The following IL1RAPL1 variants were observed in gnomAD, a reference collection of about 807,000 sequenced individuals.
IL1RAPL1 encodes interleukin 1 receptor accessory protein like 1.
IL1RAPL1 carries 3 observed loss-of-function variants against 48.4 expected under a neutral mutation model. The observed-to-expected ratio is 0.06, with a 90% confidence interval of 0.03 to 0.16. The LOEUF is 0.16. Ranked by LOEUF, IL1RAPL1 falls within the 10% of genes least tolerant of loss-of-function variation. The pLI, the probability that IL1RAPL1 is intolerant of heterozygous loss-of-function variation, is 1.00. For missense variants in IL1RAPL1, 349 were observed against 530.6 expected, an observed-to-expected ratio of 0.66 and a Z score of 3.36; for synonymous variants, 185 against 187.7, an observed-to-expected ratio of 0.99 and a Z score of 0.12.
chrX:29,680,216 G>C (rs1430230131), intron 6 of IL1RAPL1, among the ~76,000 whole-genome samples: 1 of 111,533 alleles, frequency 9.0e-6, no homozygotes, highest in African/African-American at 3.3e-5. Flanking sequence ...ATGCTCGACT[G>C]TTCTCTGTCT....
chrX:28,705,450 T>C (rs1935364120), intron 1 of IL1RAPL1, among the ~76,000 whole-genome samples: 1 of 112,385 alleles, frequency 8.9e-6, no homozygotes. Context: ...AAATAGGCTT[T>C]TCTGTAAAAA....
intron 6 of IL1RAPL1, among the ~76,000 whole-genome samples, chrX:29,750,574 C>A (rs989238022): frequency 3.0e-4 from 34 of 111,785 alleles, no homozygotes; most frequent in African/African-American, 1.0e-3. Flanking sequence ...AAGGAATACA[C>A]CATATTTCAT....
chrX:29,146,757 A>G (rs978707165), intron 2 of IL1RAPL1, among the ~76,000 whole-genome samples: 5 of 112,119 alleles, frequency 4.5e-5, no homozygotes, highest in African/African-American at 1.3e-4. Context: ...TTAATGGTCC[A>G]TTGTTACAAG....
chrX:29,520,849 C>T (rs1935495153), intron 5 of IL1RAPL1, among the ~76,000 whole-genome samples: 1 of 111,029 alleles, frequency 9.0e-6, no homozygotes, highest in South Asian at 3.8e-4. Context: ...GATACTTAAT[C>T]TAGGTCTTAA....
At chrX:29,351,959 G>A (rs976611446) in intron 3 of IL1RAPL1, among the ~76,000 whole-genome samples, 2 of 111,699 alleles carry the variant, frequency 1.8e-5, no homozygotes, top group African/African-American at 6.5e-5. Flanking sequence ...CCCACCATTT[G>A]TTCTCATCAG....
chrX:29,907,057 A>G (rs768396091), intron 6 of IL1RAPL1, among the ~76,000 whole-genome samples: 29 of 112,057 alleles, frequency 2.6e-4, no homozygotes, highest in African/African-American at 8.4e-4. Context: ...TAATGGTAGC[A>G]TTAGTAATTG....
At chrX:28,778,970 C>T (rs1343710765) in intron 1 of IL1RAPL1, among the ~76,000 whole-genome samples, 1 of 111,439 alleles carries the variant, frequency 9.0e-6, no homozygotes, top group African/African-American at 3.3e-5. Flanking sequence ...TTCATCTGGC[C>T]ATTTTACAGA....
At chrX:29,267,566 G>T (rs1435978148) in intron 2 of IL1RAPL1, among the ~76,000 whole-genome samples, 2 of 111,041 alleles carry the variant, frequency 1.8e-5, no homozygotes, top group Admixed American at 1.9e-4. Context: ...TCTGAGCTGC[G>T]TTGTTTTTCT....
intron 2 of IL1RAPL1, among the ~76,000 whole-genome samples, chrX:28,833,383 C>A: frequency 8.9e-6 from 1 of 111,800 alleles, no homozygotes; most frequent in African/African-American, 3.2e-5. Flanking sequence ...GTTTTAAGAT[C>A]TTTAAGAAAT....
At chrX:29,555,434 T>C (rs758005776) in intron 5 of IL1RAPL1, among the ~76,000 whole-genome samples, 74 of 112,209 alleles carry the variant, frequency 6.6e-4, no homozygotes, top group African/African-American at 2.0e-3. Flanking sequence ...TTGCCTTCCT[T>C]AAGCCCAAAG....
At chrX:29,255,705 G>A (rs368838078) in intron 2 of IL1RAPL1, among the ~76,000 whole-genome samples, 1 of 111,352 alleles carries the variant, frequency 9.0e-6, no homozygotes, top group Admixed American at 9.6e-5. Context: ...GTGAGAACAT[G>A]TGGTAATTGG....
At chrX:29,829,206 AC>A in intron 6 of IL1RAPL1, among the ~76,000 whole-genome samples, 1 of 100,950 alleles carries the variant, frequency 9.9e-6, no homozygotes, top group Non-Finnish European at 2.0e-5. Flanking sequence ...ACACACACAC[AC>A]ACACAATGTT....
chrX:29,108,735 T>TATA (rs1928498966), intron 2 of IL1RAPL1, among the ~76,000 whole-genome samples: 2 of 111,461 alleles, frequency 1.8e-5, no homozygotes, highest in African/African-American at 6.5e-5. Flanking sequence ...GAGCATTTAG[T>TATA]ATACGTCTTT....
chrX:28,725,272 A>C (rs1456152888), intron 1 of IL1RAPL1, among the ~76,000 whole-genome samples: 4 of 111,276 alleles, frequency 3.6e-5, no homozygotes, highest in Non-Finnish European at 5.7e-5. Flanking sequence ...TTTAAAACAC[A>C]ATCAAACACA....
At chrX:29,727,209 A>C (rs1350509244) in intron 6 of IL1RAPL1, among the ~76,000 whole-genome samples, 1 of 112,390 alleles carries the variant, frequency 8.9e-6, no homozygotes, top group East Asian at 2.8e-4. Flanking sequence ...ATTGAGGAAG[A>C]AAATAAGCTT....
At chrX:28,988,118 C>T (rs1248732308) in intron 2 of IL1RAPL1, among the ~76,000 whole-genome samples, 1 of 101,586 alleles carries the variant, frequency 9.8e-6, no homozygotes, top group African/African-American at 3.6e-5. Context: ...TTTGCCTACA[C>T]TCTCCTTGTC....
chrX:29,802,789 G>A (rs751738500), intron 6 of IL1RAPL1, among the ~76,000 whole-genome samples: 1,736 of 25,980 alleles, frequency 0.067, 60 homozygotes, highest in African/African-American at 0.078. Context: ...ATATGTGTGT[G>A]TGTATATATA....
intron 2 of IL1RAPL1, among the ~76,000 whole-genome samples, chrX:29,133,702 A>G (rs1206294687): frequency 1.8e-5 from 2 of 111,882 alleles, no homozygotes; most frequent in Non-Finnish European, 3.8e-5. Context: ...AACTAAATCC[A>G]TAGTTTATGC....
chrX:28,982,154 T>C (rs1343073641), intron 2 of IL1RAPL1, among the ~76,000 whole-genome samples: 1 of 112,198 alleles, frequency 8.9e-6, no homozygotes, highest in Non-Finnish European at 1.9e-5. Context: ...TCAGTTTCAT[T>C]GTTCTAAAGA....
Sources: allele counts gnomAD v4.1 joint callset (sites outside exome capture counted in the v4.1 genomes callset), GRCh38; gene constraint gnomAD v4.1.1; transcripts MANE v1.5; gene names NCBI Gene and HGNC (gene_info 2026-07-23, HGNC 2026-07-21).